TASP1: variants seen among roughly 807,000 people sequenced by gnomAD.
The protein encoded by TASP1 is taspase 1.
TASP1 carries 16 observed loss-of-function variants against 56.6 expected under a neutral mutation model. The ratio of observed to expected loss-of-function variants is 0.28; its 90% CI spans 0.19 to 0.43. The LOEUF (loss-of-function observed/expected upper bound fraction) is 0.43, where lower values mean the gene tolerates loss of function less well. Among genes scored for constraint, TASP1 ranks in the 20% least tolerant of loss-of-function variants. The pLI, the probability that TASP1 is intolerant of heterozygous loss-of-function variation, is 1.00. For missense variants in TASP1, 393 were observed against 511.6 expected, an observed-to-expected ratio of 0.77 and a Z score of 2.24; for synonymous variants, 179 against 184.2, an observed-to-expected ratio of 0.97 and a Z score of 0.23.
chr20:13,521,228 G>GTTCTAT (rs2044739846), intron 10 of TASP1, among the ~76,000 whole-genome samples: 1 of 152,058 alleles, frequency 6.6e-6, no homozygotes, highest in Non-Finnish European at 1.5e-5. Flanking sequence ...ATTCCTCAGG[G>GTTCTAT]ATCTAGAACT....
At position 13,390,244 on chromosome 20, in the gene TASP1, G is replaced by A. The variant is rs568320245; in HGVS notation, c.*116C>T. 44 of 918,436 alleles carry A rather than the reference G, an allele frequency of 4.8e-5. No individual in the cohort carries two copies. Among genetic ancestry groups the A allele is most frequent in the African/African-American group, 6.6e-5 (4 of 60,644 alleles). The allele number at this position is 918,436 out of a possible 1,614,324, so 56.9% of individuals were successfully genotyped here. A position where few individuals can be genotyped will look rare whatever the true frequency, so the allele number is the denominator to read the frequency against. On this transcript the variant is annotated 3_prime_UTR_variant, in exon 14 of 14. Transcript: ENST00000337743. ...AGCACTTGTGTCTCGAGCAGTGCAC[G>A]AGGTTGCAATAGGAATTATAAAACA...
the TASP1 span, among the ~76,000 whole-genome samples, chr20:13,219,732 C>G: frequency 6.6e-6 from 1 of 152,204 alleles, no homozygotes; most frequent in Non-Finnish European, 1.5e-5. Context: ...AGCCCTTCCT[C>G]TCCCGGGCAC....
At chr20:13,196,463 A>G in the TASP1 span, among the ~76,000 whole-genome samples, 1 of 152,244 alleles carries the variant, frequency 6.6e-6, no homozygotes, top group East Asian at 1.9e-4. Flanking sequence ...TCTGGAGTGC[A>G]TATCTCTGCA....
At chr20:13,432,553 T>A (rs1475585316) in intron 12 of TASP1, among the ~76,000 whole-genome samples, 1 of 152,244 alleles carries the variant, frequency 6.6e-6, no homozygotes, top group Admixed American at 6.5e-5. Context: ...ATTGGTAGCA[T>A]CTATAAGTTG....
chr20:13,329,883 C>T, the TASP1 span, among the ~76,000 whole-genome samples: 2 of 152,074 alleles, frequency 1.3e-5, no homozygotes, highest in African/African-American at 4.8e-5. Flanking sequence ...TCGTAAATAT[C>T]ATTCTCAACT....
intron 10 of TASP1, among the ~76,000 whole-genome samples, chr20:13,506,744 T>C (rs935340549): frequency 2.0e-5 from 3 of 152,102 alleles, no homozygotes; most frequent in African/African-American, 7.2e-5. Context: ...AGAATGCACC[T>C]CAACACAATA....
At chr20:13,317,178 T>C in the TASP1 span, among the ~76,000 whole-genome samples, 2 of 151,764 alleles carry the variant, frequency 1.3e-5, no homozygotes, top group Non-Finnish European at 2.9e-5. Flanking sequence ...CACAATACCA[T>C]TTACATTAAC....
At chr20:13,422,565 A>G (rs1255567139) in intron 12 of TASP1, among the ~76,000 whole-genome samples, 1 of 152,190 alleles carries the variant, frequency 6.6e-6, no homozygotes, top group Non-Finnish European at 1.5e-5. Context: ...TAATAGCACT[A>G]TAATTTCTGC....
At chr20:13,205,037 G>T in the TASP1 span, among the ~76,000 whole-genome samples, 1 of 152,106 alleles carries the variant, frequency 6.6e-6, no homozygotes, top group African/African-American at 2.4e-5. Flanking sequence ...GGCTGCCTTG[G>T]CTTCTGCATT....
chr20:13,316,377 A>C, the TASP1 span, among the ~76,000 whole-genome samples: 1 of 152,004 alleles, frequency 6.6e-6, no homozygotes, highest in Non-Finnish European at 1.5e-5. Flanking sequence ...AAAAGAAATT[A>C]TTTCAATTCT....
chr20:13,608,436 CAGGCA>C (rs1445076285), intron 4 of TASP1, among the ~76,000 whole-genome samples: 1 of 152,140 alleles, frequency 6.6e-6, no homozygotes, highest in Admixed American at 6.5e-5. Context: ...ACCATTGTAC[CAGGCA>C]AATCTTTTCT....
chr20:13,185,529 A>C, the TASP1 span, among the ~76,000 whole-genome samples: 4 of 152,280 alleles, frequency 2.6e-5, no homozygotes, highest in African/African-American at 9.6e-5. Context: ...AGATATGGTC[A>C]CTACATGGAA....
At chr20:13,275,493 G>A in the TASP1 span, among the ~76,000 whole-genome samples, 9 of 152,176 alleles carry the variant, frequency 5.9e-5, no homozygotes, top group Non-Finnish European at 1.2e-4. Flanking sequence ...GCCAATATAT[G>A]GAGGCAGATT....
At chr20:13,627,333 T>C (rs754588500) in intron 2 of TASP1, among the ~76,000 whole-genome samples, 1 of 152,182 alleles carries the variant, frequency 6.6e-6, no homozygotes, top group Non-Finnish European at 1.5e-5. Context: ...TTTCTAATAA[T>C]TTAGAAGTGA....
chr20:13,579,521 A>G (rs1008930234), intron 6 of TASP1, among the ~76,000 whole-genome samples: 5 of 151,930 alleles, frequency 3.3e-5, no homozygotes, highest in East Asian at 1.9e-4. Flanking sequence ...CCGCCACCAT[A>G]CCCGGCTAAT....
chr20:13,487,734 A>G (rs2146542203), intron 10 of TASP1, among the ~76,000 whole-genome samples: 1 of 152,306 alleles, frequency 6.6e-6, no homozygotes, highest in African/African-American at 2.4e-5. Context: ...AGGAAGAATG[A>G]GCAATAGCAA....
chr20:13,192,430 C>G, the TASP1 span, among the ~76,000 whole-genome samples: 69 of 152,246 alleles, frequency 4.5e-4, no homozygotes, highest in African/African-American at 1.6e-3. Flanking sequence ...GTCCCAGCTA[C>G]TCAGGAGGCT....
chr20:13,173,473 A>G, the TASP1 span, among the ~76,000 whole-genome samples: 1 of 152,184 alleles, frequency 6.6e-6, no homozygotes, highest in Non-Finnish European at 1.5e-5. Flanking sequence ...CAGGAAAGAT[A>G]TGCTTACTTC....
the TASP1 span, among the ~76,000 whole-genome samples, chr20:13,113,784 T>C: frequency 1.3e-5 from 2 of 152,214 alleles, no homozygotes; most frequent in Non-Finnish European, 2.9e-5. Flanking sequence ...CACATTGATT[T>C]TCAGTCTAAG....
Sources: gnomAD v4.1 joint callset for allele counts (sites outside exome capture counted in the v4.1 genomes callset) on GRCh38, gnomAD v4.1.1 for gene constraint, MANE v1.5 for transcripts, NCBI Gene and HGNC (gene_info 2026-07-23, HGNC 2026-07-21) for gene names.